The following PEPD variants were observed in gnomAD, a reference collection of about 807,000 sequenced individuals.
PEPD encodes the protein peptidase D.
In PEPD, 53 loss-of-function variants were observed where a neutral mutation model predicts 60.7. The observed-to-expected ratio is 0.87, with a 90% CI of 0.70 to 1.10. The LOEUF (loss-of-function observed/expected upper bound fraction) is 1.10. Among genes scored for constraint, PEPD ranks in the 50% least tolerant of loss-of-function variants. PEPD has a pLI of 0.00. For missense variants in PEPD, 711 were observed against 711.9 expected (o/e 1.00, Z 0.01); for synonymous variants, 267 against 284.1 (o/e 0.94, Z 0.60).
rs1417810315 is a variant in PEPD, at chr19:33,411,688, G to C, written c.802C>G (p.Gln268Glu). 2 of 1,605,294 alleles carry C rather than the reference G, an allele frequency of 1.2e-6. No homozygotes were observed. The highest frequency in any genetic ancestry group is 2.7e-5 in the African/African-American group (2 of 74,758). Residue 268 changes from glutamine (Q) to glutamate (E), a missense_variant, in exon 11 of 15, where the codon CAG becomes GAG. Transcript: ENST00000244137. ...HAGAPNDRTI[Q>E]NGDMCLFDMG... is the part of the protein sequence containing the mutation. Reference sequence around the variant, plus strand: ...CCTACTTACCACATATCCCCATTCTGGATCGTTCGGTCGTTGGGAGCTCCG... The same window carrying C: ...CCTACTTACCACATATCCCCATTCTCGATCGTTCGGTCGTTGGGAGCTCCG...
chr19:33,442,561 T>G (rs1319496784), intron 9 of PEPD, among the ~76,000 whole-genome samples: 1 of 143,074 alleles, frequency 7.0e-6, no homozygotes. Context: ...AAAAAAAAAT[T>G]AGCCGGGCGT....
rs1458046505 is a variant in PEPD at position 33,494,960 on chromosome 19, C to A, written c.394-1623G>T. On this transcript the variant is annotated intron_variant, in intron 4 of 14. Coordinates refer to ENST00000244137, the MANE Select transcript of PEPD (RefSeq NM_000285.4). ...CCATCCTGGCTAAAACAGTGAAACC[C>A]CATCTCTATTAAAAATACAAAAAAA... Among the ~76,000 whole-genome samples the A allele has an allele frequency of 3.3e-5, 5 of 151,974 alleles. No individual in the cohort carries two copies. The South Asian group carries it at 6.2e-4, about 19-fold the overall frequency.
rs569511354 is a variant in PEPD at position 33,477,941 on chromosome 19, C to T, written c.548+105G>A. 191 of 802,334 alleles carry T rather than the reference C, an allele frequency of 2.4e-4. 1 individual carries two copies. The African/African-American group carries it at 3.1e-3, about 13-fold the overall frequency. 49.7% of individuals were successfully genotyped at this position (802,334 alleles called of 1,614,324 possible). A position where few individuals can be genotyped will look rare whatever the true frequency, so the allele number is the denominator to read the frequency against. ...TATGGGAGAAGGTTCTGGGAATCTG[C>T]TTTCTGAGGGGCTCTCTGAGACGGT... On this transcript the variant is annotated intron_variant, in intron 7 of 14. Transcript: ENST00000244137.
chr19:33,426,340 C>T (rs1207103778), intron 9 of PEPD, among the ~76,000 whole-genome samples: 1 of 152,236 alleles, frequency 6.6e-6, no homozygotes, highest in African/African-American at 2.4e-5. Flanking sequence ...TACTTTATTT[C>T]TAAACATCAA....
At chr19:33,417,422 C>T (rs1968913568) in intron 9 of PEPD, among the ~76,000 whole-genome samples, 1 of 152,142 alleles carries the variant, frequency 6.6e-6, no homozygotes, top group Admixed American at 6.5e-5. Flanking sequence ...TGTTCCGCAC[C>T]CCGGTCCCTG....
chr19:33,502,850 G>C (rs567154266), intron 3 of PEPD, among the ~76,000 whole-genome samples: 2 of 146,052 alleles, frequency 1.4e-5, no homozygotes, highest in Non-Finnish European at 3.0e-5. Flanking sequence ...TCATTCTTTC[G>C]TTGCTTCATT....
chr19:33,511,300 AG>A, intron 2 of PEPD, 145 bp from the exon 3 acceptor site: 1 of 778,134 alleles, frequency 1.3e-6, no homozygotes, highest in African/African-American at 1.7e-5. Context: ...CCTTCCCCTC[AG>A]CACTCGACTC....
chr19:33,437,336 C>T (rs1260649846), intron 9 of PEPD, among the ~76,000 whole-genome samples: 3 of 152,042 alleles, frequency 2.0e-5, no homozygotes, highest in Non-Finnish European at 2.9e-5. Context: ...AGTTCAACTA[C>T]TTTTATTTGT....
At chr19:33,413,911 A>G (rs747116159) in intron 9 of PEPD, among the ~76,000 whole-genome samples, 1 of 152,202 alleles carries the variant, frequency 6.6e-6, no homozygotes, top group Non-Finnish European at 1.5e-5. Context: ...GCCAGCCTCC[A>G]CTGACTGCCA....
chr19:33,504,176 T>G (rs1320590133), intron 3 of PEPD, among the ~76,000 whole-genome samples: 1 of 152,238 alleles, frequency 6.6e-6, no homozygotes, highest in African/African-American at 2.4e-5. Context: ...TAAAAACCAT[T>G]TAAACGTCAT....
At chr19:33,461,838 C>T (rs578051442) in intron 9 of PEPD, among the ~76,000 whole-genome samples, 3 of 152,362 alleles carry the variant, frequency 2.0e-5, no homozygotes, top group South Asian at 2.1e-4. Context: ...TCAGCCTCCC[C>T]GGCTGACGGA....
At chr19:33,461,292 T>C (rs1462161451) in intron 9 of PEPD, among the ~76,000 whole-genome samples, 1 of 151,590 alleles carries the variant, frequency 6.6e-6, no homozygotes, top group Non-Finnish European at 1.5e-5. Context: ...TTTTGGATAC[T>C]GAAATTTCCT....
intron 11 of PEPD, among the ~76,000 whole-genome samples, chr19:33,410,282 A>G (rs910163077): frequency 6.6e-6 from 1 of 152,242 alleles, no homozygotes; most frequent in African/African-American, 2.4e-5. Flanking sequence ...CCTGAGCTGG[A>G]ACAGCTCATC....
At chr19:33,456,416 G>A (rs536214654) in intron 9 of PEPD, among the ~76,000 whole-genome samples, 17 of 152,286 alleles carry the variant, frequency 1.1e-4, no homozygotes, top group African/African-American at 3.4e-4. Context: ...CTCAAGGACT[G>A]CCCTCCTAGG....
intron 12 of PEPD, 129 bp downstream of exon 12, chr19:33,401,592 G>A (rs1968491639): frequency 3.4e-6 from 3 of 881,232 alleles, no homozygotes; most frequent in African/African-American, 3.3e-5. Context: ...GGAATCTCAG[G>A]GACTAAGCAT....
At chr19:33,495,621 G>T (rs1970588971) in intron 4 of PEPD, among the ~76,000 whole-genome samples, 1 of 152,122 alleles carries the variant, frequency 6.6e-6, no homozygotes. Context: ...AATCTCCCGG[G>T]ATCCTCCCTC....
At chr19:33,452,655 G>A (rs1316998152) in intron 9 of PEPD, among the ~76,000 whole-genome samples, 1 of 152,120 alleles carries the variant, frequency 6.6e-6, no homozygotes, top group Non-Finnish European at 1.5e-5. Context: ...AAAAATATAT[G>A]AGAATAAAAT....
chr19:33,463,934 G>T, intron 8 of PEPD, 53 bp downstream of exon 8: 1 of 1,233,438 alleles, frequency 8.1e-7, no homozygotes, highest in Non-Finnish European at 1.2e-6. Context: ...CAGTTCTCTC[G>T]CCACACAGCA....
intron 9 of PEPD, among the ~76,000 whole-genome samples, chr19:33,438,665 A>G (rs1969425471): frequency 6.6e-6 from 1 of 152,200 alleles, no homozygotes; most frequent in African/African-American, 2.4e-5. Flanking sequence ...TCCTCCTCGG[A>G]GCTGAACTGT....
Sources: allele counts gnomAD v4.1 joint callset (sites outside exome capture counted in the v4.1 genomes callset), GRCh38; gene constraint gnomAD v4.1.1; transcripts MANE v1.5; gene names NCBI Gene and HGNC (gene_info 2026-07-23, HGNC 2026-07-21).